Variants in ZBBX observed in about 807,000 individuals in gnomAD.
ZBBX encodes the protein zinc finger B-box domain containing, also known as zinc finger B-box domain-containing protein 1.
A neutral mutation model predicts 108.5 loss-of-function variants in ZBBX; 101 were observed. That is an observed-to-expected ratio of 0.93 (90% CI 0.79 to 1.10). The LOEUF (loss-of-function observed/expected upper bound fraction) is 1.10. Among genes scored for constraint, ZBBX ranks in the 50% least tolerant of loss-of-function variants. The probability of loss-of-function intolerance (pLI) is 0.00; values close to 1 mark genes in which losing one functional copy is unlikely to be tolerated. For missense variants in ZBBX, 1,009 were observed against 941.4 expected (o/e 1.07, Z -0.94); for synonymous variants, 356 against 323.4 (o/e 1.10, Z -1.08).
At chr3:167,316,522 ATATGTTCAAGT>A (rs60736961) in intron 14 of ZBBX, among the ~76,000 whole-genome samples, 57,626 of 151,418 alleles carry the variant, frequency 0.38, 11,209 homozygotes, top group Non-Finnish European at 0.42. Context: ...TGTCTTCTAC[ATATGTTCAAGT>A]TATGTTCAAG....
intron 17 of ZBBX, among the ~76,000 whole-genome samples, 169 bp from the exon 18 acceptor site, chr3:167,298,627 G>A (rs1732076909): frequency 6.6e-6 from 1 of 151,976 alleles, no homozygotes; most frequent in African/African-American, 2.4e-5. Flanking sequence ...TTTATATATA[G>A]GAAGTTCTAA....
chr3:167,366,357 C>G (rs1253351453), intron 5 of ZBBX, among the ~76,000 whole-genome samples: 2 of 151,708 alleles, frequency 1.3e-5, no homozygotes, highest in Non-Finnish European at 3.0e-5. Flanking sequence ...ACCAATACCC[C>G]AAAATATTCA....
Position 167,322,075 on chromosome 3 carries a change from A to C in ZBBX, c.983+42T>G, listed in dbSNP as rs140648481. The C allele has an allele frequency of 5.0e-4, 556 of 1,101,060 alleles. 2 individuals carry two copies. In the African/African-American group the frequency reaches 7.8e-3, roughly 15 times the overall value. 68.2% of individuals were successfully genotyped at this position (1,101,060 alleles called of 1,614,324 possible). Reference sequence around the variant, plus strand: ...TGTCATACAAGAAAGAAACATAAATAACTTTCATATTTCCTAATAGTATTA... The same window carrying C: ...TGTCATACAAGAAAGAAACATAAATCACTTTCATATTTCCTAATAGTATTA... On this transcript the variant is annotated intron_variant, in intron 12 of 21. Coordinates refer to ENST00000675490, the MANE Select transcript of ZBBX (RefSeq NM_001199201.2).
chr3:167,320,863 G>T (rs545141250), intron 12 of ZBBX, among the ~76,000 whole-genome samples: 21 of 151,888 alleles, frequency 1.4e-4, no homozygotes. Context: ...GAAACACCTG[G>T]CAAGTACTCT....
chr3:167,245,611 A>G (rs1471230450), intron 20 of ZBBX, among the ~76,000 whole-genome samples: 3 of 152,044 alleles, frequency 2.0e-5, no homozygotes, highest in African/African-American at 7.2e-5. Context: ...TGATCATGGG[A>G]GAAGATTTCC....
intron 12 of ZBBX, among the ~76,000 whole-genome samples, chr3:167,318,362 C>T (rs1560116352): frequency 6.6e-6 from 1 of 151,890 alleles, no homozygotes; most frequent in East Asian, 1.9e-4. Flanking sequence ...TCCATTCTAA[C>T]TAATTTTGGT....
chr3:167,295,451 A>G (rs553710260), intron 18 of ZBBX, among the ~76,000 whole-genome samples: 48 of 151,814 alleles, frequency 3.2e-4, no homozygotes, highest in Non-Finnish European at 5.7e-4. Context: ...CAGAAAACCA[A>G]ACACCACATG....
downstream of ZBBX, among the ~76,000 whole-genome samples, chr3:167,239,183 C>T (rs1720356783): frequency 6.6e-6 from 1 of 152,048 alleles, no homozygotes; most frequent in African/African-American, 2.4e-5. Flanking sequence ...TTCCCTCTAC[C>T]TTGGAGGACC....
intron 20 of ZBBX, among the ~76,000 whole-genome samples, chr3:167,277,238 A>G (rs371296202): frequency 6.6e-6 from 1 of 152,180 alleles, no homozygotes; most frequent in African/African-American, 2.4e-5. Context: ...AAATTCACAC[A>G]TAACAATATT....
chr3:167,198,641 G>A, the ZBBX span, among the ~76,000 whole-genome samples: 1 of 152,090 alleles, frequency 6.6e-6, no homozygotes, highest in African/African-American at 2.4e-5. Flanking sequence ...TCAAATAAAA[G>A]AGAAGAAAAT....
chr3:167,253,120 A>C lies in ZBBX; in HGVS notation c.2255-10477T>G, dbSNP rs1312744267. 3.3e-5 allele frequency among the ~76,000 whole-genome samples: 5 copies of C among 152,244 alleles called. No homozygotes were observed. The East Asian group carries it at 9.6e-4, about 29-fold the overall frequency. On this transcript the variant is annotated intron_variant, in intron 20 of 21. Coordinates refer to ENST00000675490, the MANE Select transcript of ZBBX (RefSeq NM_001199201.2). ...CTATTAAATAAATAGAAAAAGCAGA[A>C]TAATAAAAATAAAATCATAAAAGGA...
At chr3:167,257,717 C>T (rs1357613581) in intron 20 of ZBBX, among the ~76,000 whole-genome samples, 2 of 152,084 alleles carry the variant, frequency 1.3e-5, no homozygotes, top group Admixed American at 1.3e-4. Flanking sequence ...GGTGGTATCA[C>T]ATTGTGGTTT....
chr3:167,259,739 TC>T (rs1724139491), intron 20 of ZBBX, among the ~76,000 whole-genome samples: 1 of 152,194 alleles, frequency 6.6e-6, no homozygotes. Context: ...AATCCAGTGC[TC>T]ACTCAGGAGC....
chr3:167,366,696 C>T, intron 5 of ZBBX: 1 of 371,406 alleles, frequency 2.7e-6, no homozygotes, highest in South Asian at 2.1e-5. Context: ...CCTCAGAAAA[C>T]AATGTAACTA....
chr3:167,291,641 C>A (rs1730709239), intron 18 of ZBBX, among the ~76,000 whole-genome samples: 1 of 152,250 alleles, frequency 6.6e-6, no homozygotes, highest in Middle Eastern at 3.4e-3. Flanking sequence ...GAAGAAACTG[C>A]ATCCACTAAC....
intron 20 of ZBBX, among the ~76,000 whole-genome samples, chr3:167,255,251 A>G (rs1723298785): frequency 6.6e-6 from 1 of 152,110 alleles, no homozygotes; most frequent in South Asian, 2.1e-4. Flanking sequence ...TGTCTGCTAC[A>G]TACAGAGGAA....
chr3:167,298,479 C>T lies in ZBBX; in HGVS notation c.1726-21G>A, dbSNP rs75687121. 1.6e-5 allele frequency: 23 copies of T among 1,442,174 alleles called. No homozygotes were observed. The East Asian group carries it at 5.4e-4, about 34-fold the overall frequency. 89.3% of individuals were successfully genotyped at this position (1,442,174 alleles called of 1,614,324 possible). A position where few individuals can be genotyped will look rare whatever the true frequency, so the allele number is the denominator to read the frequency against. Reference sequence around the variant, plus strand: ...AACAACTAAGAAACAAAATATTCAACAATATTATTTTCTAACTCATTAACA... The same window carrying T: ...AACAACTAAGAAACAAAATATTCAATAATATTATTTTCTAACTCATTAACA... On this transcript the variant is annotated intron_variant, in intron 17 of 21. Transcript: ENST00000675490.
chr3:167,216,551 A>C, the ZBBX span, among the ~76,000 whole-genome samples: 1 of 152,288 alleles, frequency 6.6e-6, no homozygotes, highest in African/African-American at 2.4e-5. Context: ...TCCTGCCCAA[A>C]GCATTTTACA....
chr3:167,298,798 G>T (rs1347926309), intron 17 of ZBBX, among the ~76,000 whole-genome samples: 1 of 151,958 alleles, frequency 6.6e-6, no homozygotes, highest in Non-Finnish European at 1.5e-5. Flanking sequence ...ACACGCAGTG[G>T]CTTTGAACTA....
Sources: allele counts gnomAD v4.1 joint callset (sites outside exome capture counted in the v4.1 genomes callset), GRCh38; gene constraint gnomAD v4.1.1; transcripts MANE v1.5; gene names NCBI Gene and HGNC (gene_info 2026-07-23, HGNC 2026-07-21).